FLG: variants seen among roughly 807,000 people sequenced by gnomAD.
FLG encodes the protein epidermal filaggrin.
A neutral mutation model predicts 3.8 loss-of-function variants in FLG; 6 were observed. That is an observed-to-expected ratio of 1.60 (90% CI 0.87 to 3.15). The LOEUF (loss-of-function observed/expected upper bound fraction) is 3.15. Among genes scored for constraint, FLG ranks in the 30% most tolerant of loss-of-function variants. The pLI is 0.00. For missense variants in FLG, 7,595 were observed against 5,050.9 expected (o/e 1.50, Z -15.27); for synonymous variants, 2,551 against 1,931.6 (o/e 1.32, Z -8.41).
In FLG at chr1:152,303,720, A is replaced by G. The variant is rs369277476; in HGVS notation, c.11166T>C (p.Ser3722=). ...YQVSTHEQSE[S]AHGRAGPSTG... ...TACTGGGCCCAGCCCGTCCATGGGC[A>G]GACTCAGACTGTTCATGAGTGCTCA... Residue 3722 remains serine, a synonymous_variant, in exon 3 of 3, where the codon TCT becomes TCC. Transcript: ENST00000368799. 71 of 1,613,582 alleles carry G rather than the reference A, an allele frequency of 4.4e-5. No individual in the cohort carries two copies. The highest frequency in any genetic ancestry group is 1.1e-4 in the South Asian group (10 of 91,022).
rs144157090 is a variant in FLG at position 152,307,452 on chromosome 1, G to C, written c.7434C>G (p.Tyr2478Ter). ...SSSGGRQGSH[Y>*]EQLVDRSGHS... ...GTCCAGATCTATCTACCAATTGCTC[G>C]TAGTGGGATCCCTGCCTTCCTCCAC... Residue 2478 changes from tyrosine to a stop codon, truncating the protein, a stop_gained, in exon 3 of 3, where the codon TAC becomes TAG. Coordinates refer to ENST00000368799, the MANE Select transcript of FLG (RefSeq NM_002016.2). LOFTEE classifies it low-confidence loss of function (END_TRUNC). 9 of 1,613,140 alleles carry C rather than the reference G, an allele frequency of 5.6e-6. No individual in the cohort carries two copies. In the South Asian group the frequency reaches 8.8e-5, roughly 16 times the overall value.
rs569052765 is a variant in FLG at position 152,311,327 on chromosome 1, T to C, written c.3559A>G (p.Arg1187Gly). The C allele has an allele frequency of 6.7e-5, 108 of 1,613,938 alleles. No homozygotes were observed. Among genetic ancestry groups the C allele is most frequent in the Non-Finnish European group, 8.8e-5 (104 of 1,179,972 alleles). Reference protein sequence around the residue: ...QGSHHEQSVDRSGHSGSHHSH... With the variant: ...QGSHHEQSVDGSGHSGSHHSH... Reference sequence around the variant, plus strand: ...TGATGGGACCCTGAGTGTCCAGATCTATCTACCGATTGCTCATGGTGGGAT... The same window carrying C: ...TGATGGGACCCTGAGTGTCCAGATCCATCTACCGATTGCTCATGGTGGGAT... The change falls in exon 3 of 3, where the codon AGA becomes GGA. Residue 1187 changes from arginine to glycine, a missense_variant. By Grantham distance (125) the Arg-to-Gly change is moderately radical. Coordinates refer to ENST00000368799, the MANE Select transcript of FLG (RefSeq NM_002016.2).
In FLG at chr1:152,314,508, T is replaced by G. The variant is rs764302886; in HGVS notation, c.378A>C (p.Ser126=). ...TTCTATTGTTTCTTCTTTCCAGACT[T>G]GAGGGTCTTTTTCTGTTTTCTTTGT... ...EENKENRKRP[S]SLERRNNRKG... The change falls in exon 3 of 3, where the codon TCA becomes TCC. Residue 126 remains serine (S), a synonymous_variant. Coordinates refer to ENST00000368799, the MANE Select transcript of FLG (RefSeq NM_002016.2). 4.2e-5 allele frequency: 67 copies of G among 1,613,744 alleles called. No individual in the cohort carries two copies. The highest frequency in any genetic ancestry group is 5.6e-5 in the Non-Finnish European group (66 of 1,179,938).
rs770960563 is a variant in FLG, at chr1:152,313,551, C to T, written c.1335G>A (p.Leu445=). The T allele has an allele frequency of 1.9e-6, 3 of 1,613,750 alleles. No homozygotes were observed. The Admixed American group carries it at 5.0e-5, about 27-fold the overall frequency. The change falls in exon 3 of 3, where the codon CTG becomes CTA. Residue 445 remains leucine (L), a synonymous_variant. Transcript: ENST00000368799. ...TGGACTCTTGGTGGCTCTGCTGTCT[C>T]AGCCCAGCCTTTCCGTGGCCTGACA... The part of the protein sequence containing the change: ...QSVSGHGKAG[L]RQQSHQESTR...
At position 152,304,721 on chromosome 1, in the gene FLG, G is replaced by T; in HGVS notation, c.10165C>A (p.Gln3389Lys). ...TCAGACTGTTCATGAGTGCTCACCT[G>T]GTAGAGGAAAGACCCTGAACGTCCA... ...RSGRSGSFLY[Q>K]VSTHEQSESA... The change falls in exon 3 of 3, where the codon CAG becomes AAG. Residue 3389 changes from glutamine (Q) to lysine (K), a missense_variant. Coordinates refer to ENST00000368799, the MANE Select transcript of FLG (RefSeq NM_002016.2). 5 of 1,613,426 alleles carry T rather than the reference G, an allele frequency of 3.1e-6. 1 individual carries two copies. The highest frequency in any genetic ancestry group is 4.2e-6 in the Non-Finnish European group (5 of 1,179,868).
Position 152,304,803 on chromosome 1 carries a change from A to C in FLG, c.10083T>G (p.Ala3361=). 1 of 1,613,682 alleles carries C rather than the reference A, an allele frequency of 6.2e-7. No individual in the cohort carries two copies. Among genetic ancestry groups the C allele is most frequent in the South Asian group, 1.1e-5 (1 of 90,994 alleles). ...CTTGGTGGCTCTGCTGATGGGGCCC[A>C]GCCTGTCCATGGCCTGACACTGACT... The part of the protein sequence containing the change: ...DTQSVSGHGQ[A]GPHQQSHQES... The change falls in exon 3 of 3, where the codon GCT becomes GCG. Residue 3361 remains alanine (A), a synonymous_variant. Coordinates refer to ENST00000368799, the MANE Select transcript of FLG (RefSeq NM_002016.2).
chr1:152,304,596 A>G lies in FLG; in HGVS notation c.10290T>C (p.Gly3430=), dbSNP rs771793028. The G allele has an allele frequency of 1.9e-6, 3 of 1,609,174 alleles. No individual in the cohort carries two copies. In the African/African-American group the frequency reaches 4.1e-5, roughly 22 times the overall value. The change falls in exon 3 of 3, where the codon GGT becomes GGC. Residue 3430 remains glycine (G), a synonymous_variant. Transcript: ENST00000368799. The part of the protein sequence containing the change: ...DSSRHSASQE[G]QDTIRGHPGS... ...CCGGGTGTCCACGAATGGTGTCCTGACCCTCTTGGGACGCTGAGTGCCTGG... is the reference window on the plus strand; with the variant it reads ...CCGGGTGTCCACGAATGGTGTCCTGGCCCTCTTGGGACGCTGAGTGCCTGG...
At chr1:152,322,856 T>A (rs1273562593) in intron 1 of FLG, among the ~76,000 whole-genome samples, 3 of 151,380 alleles carry the variant, frequency 2.0e-5, no homozygotes, top group Admixed American at 6.6e-5. Flanking sequence ...GAAGTTTTTT[T>A]AAAAAATAAA....
In FLG at chr1:152,304,195, C is replaced by G; in HGVS notation, c.10691G>C (p.Arg3564Pro). 1 of 1,543,794 alleles carries G rather than the reference C, an allele frequency of 6.5e-7. No homozygotes were observed. The highest frequency in any genetic ancestry group is 8.7e-7 in the Non-Finnish European group (1 of 1,152,926). Residue 3564 changes from arginine (R) to proline (P), a missense_variant, in exon 3 of 3, where the codon CGT (arginine) becomes CCT (proline). Arg to Pro is a moderately radical substitution (Grantham distance 103, BLOSUM62 -2). Transcript: ENST00000368799. ...TCTTGACTGCTCCTGAGCAGATCCA[C>G]GATGGTTTCTGGAAGCAGACCCAGA... ...RWSGSASRNH[R>P]GSAQEQSRDG...
chr1:152,317,550 C>G (rs1262590761), intron 1 of FLG, among the ~76,000 whole-genome samples: 1 of 151,996 alleles, frequency 6.6e-6, no homozygotes, highest in African/African-American at 2.4e-5. Context: ...AGTTTCTCCT[C>G]CAACCTCAAT....
rs12753621 is a variant in FLG, at chr1:152,305,758, C to G, written c.9128G>C (p.Ser3043Thr). 8.7e-7 allele frequency: 1 copy of G among 1,151,658 alleles called. No individual in the cohort carries two copies. Among genetic ancestry groups the G allele is most frequent in the Non-Finnish European group, 1.2e-6 (1 of 842,666 alleles). 71.3% of individuals were successfully genotyped at this position (1,151,658 alleles called of 1,614,324 possible). Residue 3043 changes from serine to threonine, a missense_variant, in exon 3 of 3, where the codon AGC becomes ACC. Physicochemically the swap from Ser to Thr is moderately conservative, Grantham distance 58 (BLOSUM62 1). Transcript: ENST00000368799. ...CCGGCCACGTGCGGACTCTTGGTGG[C>G]TCTGCTGATGGGACCCAGCCTGTCC... The part of the protein sequence containing the change: ...AHGQAGSHQQ[S>T]HQESARGRSG...
rs780058917 is a variant in FLG at position 152,313,257 on chromosome 1, A to C, written c.1629T>G (p.Gly543=). Residue 543 remains glycine, a synonymous_variant, in exon 3 of 3, where the codon GGT becomes GGG. Transcript: ENST00000368799. The stretch of plus-strand genomic sequence containing the variant: ...GGGATGTGGTGTGGCTGTGATGGGA[A>C]CCTGAGTGTCCAGACCTATTTACCG... The part of the protein sequence containing the change: ...EQSVNRSGHS[G]SHHSHTTSQG... 2.4e-5 allele frequency: 39 copies of C among 1,613,222 alleles called. No homozygotes were observed. The highest frequency in any genetic ancestry group is 1.3e-4 in the African/African-American group (10 of 74,556).
chr1:152,307,987 C>T lies in FLG; in HGVS notation c.6899G>A (p.Arg2300Lys), dbSNP rs776738912. Residue 2300 changes from arginine to lysine, a missense_variant, in exon 3 of 3, where the codon AGA (arginine) becomes AAA (lysine). Arg to Lys is a conservative substitution (Grantham distance 26). Transcript: ENST00000368799. ...AGHGHSAESS[R>K]QSGTHHAENS... ...CTCTGCATGATGAGTGCCTGATTGT[C>T]TGGAGCTCTCTGCAGAGTGCCCATG... The T allele has an allele frequency of 3.7e-6, 6 of 1,614,190 alleles. No homozygotes were observed. Among genetic ancestry groups the T allele is most frequent in the Non-Finnish European group, 5.1e-6 (6 of 1,180,036 alleles).
At position 152,313,526 on chromosome 1, in the gene FLG, T is replaced by A; in HGVS notation, c.1360A>T (p.Thr454Ser). 1 of 1,613,502 alleles carries A rather than the reference T, an allele frequency of 6.2e-7. No individual in the cohort carries two copies. Among genetic ancestry groups the A allele is most frequent in the Non-Finnish European group, 8.5e-7 (1 of 1,179,932 alleles). The change falls in exon 3 of 3, where the codon ACA becomes TCA. Residue 454 changes from threonine to serine, a missense_variant. Coordinates refer to ENST00000368799, the MANE Select transcript of FLG (RefSeq NM_002016.2). ...GLRQQSHQES[T>S]RGRSGERSGR... Reference sequence around the variant, plus strand: ...GACCGTTCCCCTGACCGGCCACGTGTGGACTCTTGGTGGCTCTGCTGTCTC... The same window carrying A: ...GACCGTTCCCCTGACCGGCCACGTGAGGACTCTTGGTGGCTCTGCTGTCTC...
Position 152,307,902 on chromosome 1 carries a change from C to T in FLG, c.6984G>A (p.Glu2328=), listed in dbSNP as rs546650994. 182 of 1,613,222 alleles carry T rather than the reference C, an allele frequency of 1.1e-4. No individual in the cohort carries two copies. In the East Asian group the frequency reaches 3.7e-3, roughly 33 times the overall value. Residue 2328 remains glutamate (E), a synonymous_variant, in exon 3 of 3, where the codon GAG becomes GAA. Transcript: ENST00000368799. ...SHEQARSSAG[E]RHGSHHQQSA... is the part of the protein sequence containing the mutation. ...ACTGCTGGTGGTGGGATCCGTGTCTCTCTCCTGCACTTGATCTTGCCTGTT... is the reference window on the plus strand; with the variant it reads ...ACTGCTGGTGGTGGGATCCGTGTCTTTCTCCTGCACTTGATCTTGCCTGTT...
chr1:152,307,855 G>T lies in FLG; in HGVS notation c.7031C>A (p.Ser2344Ter). 1 of 1,613,420 alleles carries T rather than the reference G, an allele frequency of 6.2e-7. No individual in the cohort carries two copies. The highest frequency in any genetic ancestry group is 8.5e-7 in the Non-Finnish European group (1 of 1,179,922). Residue 2344 changes from serine to a stop codon, truncating the protein, a stop_gained, in exon 3 of 3, where the codon TCA becomes TAA. Transcript: ENST00000368799. LOFTEE classifies it low-confidence loss of function (END_TRUNC). ...HQQSADSSRH[S>*]GIGHGQASSA... ...TGAAGCTTGTCCGTGCCCAATGCCT[G>T]AGTGTCTGGAGCTGTCTGCTGACTG...
In FLG at chr1:152,309,518, G is replaced by T; in HGVS notation, c.5368C>A (p.Gln1790Lys). ...GRTGPSTGGR[Q>K]RSRHEQARDS... ...CGTGCCTGCTCGTGGCGGGATCTTT[G>T]TCTTCCTCCAGTGCTGGGCCCTGTG... Residue 1790 changes from glutamine (Q) to lysine (K), a missense_variant, in exon 3 of 3, where the codon CAA (glutamine) becomes AAA (lysine). Physicochemically the swap from Gln to Lys is moderately conservative, Grantham distance 53. Coordinates refer to ENST00000368799, the MANE Select transcript of FLG (RefSeq NM_002016.2). The T allele has an allele frequency of 6.2e-7, 1 of 1,613,916 alleles. No homozygotes were observed. Among genetic ancestry groups the T allele is most frequent in the African/African-American group, 1.3e-5 (1 of 74,978 alleles).
At position 152,306,317 on chromosome 1, in the gene FLG, G is replaced by C. The variant is rs762486668; in HGVS notation, c.8569C>G (p.Arg2857Gly). Residue 2857 changes from arginine (R) to glycine (G), a missense_variant, in exon 3 of 3, where the codon CGT becomes GGT. By Grantham distance (125) the Arg-to-Gly change is moderately radical. Coordinates refer to ENST00000368799, the MANE Select transcript of FLG (RefSeq NM_002016.2). ...SGDGSRHSGS[R>G]HHEASTHADI... is the part of the protein sequence containing the mutation. ...GCATGAGTGGAAGCTTCATGGTGAC[G>C]CGACCCTGAGTGCCTGGAGCCGTCT... is the stretch of plus-strand genomic sequence containing the variant. The C allele has an allele frequency of 2.1e-5, 34 of 1,603,110 alleles. No homozygotes were observed. Among genetic ancestry groups the C allele is most frequent in the Non-Finnish European group, 2.8e-5 (33 of 1,180,046 alleles).
Position 152,303,335 on chromosome 1 carries a change from C to G in FLG, c.11551G>C (p.Ala3851Pro). The G allele has an allele frequency of 1.2e-6, 2 of 1,614,138 alleles. No homozygotes were observed. The highest frequency in any genetic ancestry group is 2.2e-5 in the South Asian group (2 of 91,078). ...TGGCGCCTGCTTCTCCTGGACCCCG[C>G]TGATTCACCCTGGCCGGACTGTGAG... ...RHSQSGQGES[A>P]GSRRSRRQGS... The change falls in exon 3 of 3, where the codon GCG (alanine) becomes CCG (proline). Residue 3851 changes from alanine (A) to proline (P), a missense_variant. By Grantham distance (27) the Ala-to-Pro change is conservative (BLOSUM62 -1). Transcript: ENST00000368799.
Sources: gnomAD v4.1 joint callset for allele counts (sites outside exome capture counted in the v4.1 genomes callset) on GRCh38, gnomAD v4.1.1 for gene constraint, MANE v1.5 for transcripts, NCBI Gene and HGNC (gene_info 2026-07-23, HGNC 2026-07-21) for gene names.